SORT1: variants seen among roughly 807,000 people sequenced by gnomAD.
SORT1 encodes sortilin 1, also known as sortilin.
SORT1 carries 39 observed loss-of-function variants against 101.7 expected under a neutral mutation model. That is an observed-to-expected ratio of 0.38 (90% CI 0.30 to 0.50). The LOEUF is 0.50. Among genes scored for constraint, SORT1 ranks in the 20% least tolerant of loss-of-function variants. The probability of loss-of-function intolerance (pLI) is 0.90; values close to 1 mark genes in which losing one functional copy is unlikely to be tolerated. For synonymous variants in SORT1, 396 were observed against 393.7 expected (o/e 1.01, Z -0.07); for missense variants, 878 against 1,040.4 (o/e 0.84, Z 2.15).
intron 3 of SORT1, among the ~76,000 whole-genome samples, chr1:109,359,827 C>T (rs1184338788): frequency 1.3e-5 from 2 of 152,100 alleles, no homozygotes; most frequent in Non-Finnish European, 2.9e-5. Flanking sequence ...CCAGCATCAA[C>T]TCTAAAGTCT....
At chr1:109,348,885 C>A (rs1322968319) in intron 6 of SORT1, among the ~76,000 whole-genome samples, 3 of 152,118 alleles carry the variant, frequency 2.0e-5, no homozygotes, top group African/African-American at 7.2e-5. Context: ...GCGAGGATCA[C>A]TTGAGCCCAG....
intron 16 of SORT1, 130 bp from the exon 17 acceptor site, chr1:109,317,088 G>A: frequency 1.5e-6 from 1 of 646,324 alleles, no homozygotes. Flanking sequence ...CAGGCCTGGG[G>A]GGAATGTCCA....
intron 10 of SORT1, among the ~76,000 whole-genome samples, chr1:109,337,375 T>C (rs185413595): frequency 3.8e-4 from 57 of 151,136 alleles, no homozygotes; most frequent in Admixed American, 7.9e-4. Context: ...ACCTCTGGAG[T>C]AGATGGGATT....
chr1:109,320,883 G>A (rs1298002033), intron 15 of SORT1, among the ~76,000 whole-genome samples: 2 of 152,140 alleles, frequency 1.3e-5, no homozygotes, highest in Non-Finnish European at 2.9e-5. Flanking sequence ...CAAATAACAG[G>A]AGGAAATTCG....
At chr1:109,377,004 A>G (rs1219700370) in intron 1 of SORT1, among the ~76,000 whole-genome samples, 1 of 152,192 alleles carries the variant, frequency 6.6e-6, no homozygotes, top group Non-Finnish European at 1.5e-5. Flanking sequence ...AGTGAAAAAG[A>G]TCTGAAAGAC....
chr1:109,343,411 C>T (rs1305378804), intron 8 of SORT1, among the ~76,000 whole-genome samples: 2 of 152,138 alleles, frequency 1.3e-5, no homozygotes, highest in East Asian at 3.8e-4. Flanking sequence ...CTCTTCCTCC[C>T]GGATCCCTCC....
At chr1:109,387,118 C>T (rs2101654839) in intron 1 of SORT1, among the ~76,000 whole-genome samples, 1 of 151,922 alleles carries the variant, frequency 6.6e-6, no homozygotes, top group South Asian at 2.1e-4. Context: ...TGGTGAAACC[C>T]CATCTCTACT....
chr1:109,314,221 G>T (rs661278), intron 19 of SORT1, 40 bp downstream of exon 19: 89,388 of 379,698 alleles, frequency 0.24, 1,988 homozygotes, highest in South Asian at 0.29. Context: ...TGTATTTTTT[G>T]GGGGGGGGGG....
At chr1:109,332,806 A>G (rs1027258996) in intron 11 of SORT1, among the ~76,000 whole-genome samples, 3 of 152,244 alleles carry the variant, frequency 2.0e-5, no homozygotes, top group Non-Finnish European at 4.4e-5. Flanking sequence ...AAATAAATCT[A>G]TGCATTTATT....
At chr1:109,388,780 T>C (rs1333134165) in intron 1 of SORT1, among the ~76,000 whole-genome samples, 1 of 152,178 alleles carries the variant, frequency 6.6e-6, no homozygotes, top group Non-Finnish European at 1.5e-5. Flanking sequence ...TCCCATTTCA[T>C]AGATGAAAAA....
At chr1:109,342,751 A>G (rs1649312711) in intron 8 of SORT1, among the ~76,000 whole-genome samples, 1 of 152,142 alleles carries the variant, frequency 6.6e-6, no homozygotes, top group African/African-American at 2.4e-5. Context: ...AGAGTCGGAA[A>G]TTACTATAAG....
chr1:109,324,474 T>C (rs1206330611), intron 14 of SORT1, among the ~76,000 whole-genome samples: 1 of 152,184 alleles, frequency 6.6e-6, no homozygotes, highest in Non-Finnish European at 1.5e-5. Context: ...GCATCTTTGT[T>C]TGGCAGTGAG....
intron 10 of SORT1, among the ~76,000 whole-genome samples, chr1:109,339,217 GC>G (rs1207852327): frequency 6.6e-6 from 1 of 152,132 alleles, no homozygotes; most frequent in East Asian, 1.9e-4. Flanking sequence ...AGCTGAAAAT[GC>G]CCTTCCCTCC....
chr1:109,397,574 G>T lies in SORT1; in HGVS notation c.306+13C>A. On this transcript the variant is annotated intron_variant, in intron 1 of 19. Transcript: ENST00000256637. ...TCGCACCCGAGCGGCTCCCGGGCCC[G>T]GCGCCCGCTCACCTGGTGCGTGTTG... 1 of 1,188,390 alleles carries T rather than the reference G, an allele frequency of 8.4e-7. No individual in the cohort carries two copies. Among genetic ancestry groups the T allele is most frequent in the Non-Finnish European group, 1.0e-6 (1 of 954,588 alleles). The allele number at this position is 1,188,390 out of a possible 1,614,324, so 73.6% of individuals were successfully genotyped here.
intron 3 of SORT1, among the ~76,000 whole-genome samples, chr1:109,357,339 T>C (rs1650390091): frequency 6.6e-6 from 1 of 152,256 alleles, no homozygotes; most frequent in African/African-American, 2.4e-5. Flanking sequence ...ATGTACATGA[T>C]GTAAATGATG....
intron 14 of SORT1, among the ~76,000 whole-genome samples, chr1:109,324,439 C>T (rs752991174): frequency 8.5e-5 from 13 of 152,066 alleles, no homozygotes; most frequent in Non-Finnish European, 1.6e-4. Flanking sequence ...CCTGGCCATT[C>T]CCCTTATTTC....
intron 3 of SORT1, among the ~76,000 whole-genome samples, chr1:109,360,845 G>A (rs1650677910): frequency 6.6e-6 from 1 of 152,118 alleles, no homozygotes; most frequent in African/African-American, 2.4e-5. Flanking sequence ...AAATTGAGGA[G>A]GCAGCCTTGG....
In SORT1 at chr1:109,309,662, G is replaced by T. The variant is rs201417083; in HGVS notation, c.*4381C>A. The T allele has an allele frequency of 6.6e-6, 1 of 152,112 alleles. No homozygotes were observed. Among genetic ancestry groups the T allele is most frequent in the African/African-American group, 2.4e-5 (1 of 41,414 alleles). The allele number at this position is 152,112 out of a possible 1,614,324, so 9.4% of individuals were successfully genotyped here. ...ACCAGTACAAAGTTAAACACATTCA[G>T]ATTTATTTACACAATGCTAAAGAAA... is the stretch of plus-strand genomic sequence containing the variant. On this transcript the variant is annotated 3_prime_UTR_variant, in exon 20 of 20. Coordinates refer to ENST00000256637, the MANE Select transcript of SORT1 (RefSeq NM_002959.7).
At chr1:109,372,064 G>A (rs1651511761) in intron 1 of SORT1, among the ~76,000 whole-genome samples, 1 of 152,276 alleles carries the variant, frequency 6.6e-6, no homozygotes, top group African/African-American at 2.4e-5. Flanking sequence ...GGACCCAAGA[G>A]TACAGATTCA....
Sources: gnomAD v4.1 joint callset for allele counts (sites outside exome capture counted in the v4.1 genomes callset) on GRCh38, gnomAD v4.1.1 for gene constraint, MANE v1.5 for transcripts, NCBI Gene and HGNC (gene_info 2026-07-23, HGNC 2026-07-21) for gene names.